The following LARGE1 variants were observed in gnomAD, a reference collection of about 807,000 sequenced individuals.
LARGE1 encodes LARGE xylosyl- and glucuronyltransferase 1, also known as xylosyl- and glucuronyltransferase LARGE1.
Under a neutral mutation model 87.6 loss-of-function variants are expected in LARGE1, and 43 were observed. That is an observed-to-expected ratio of 0.49 (90% CI 0.38 to 0.63). The LOEUF (loss-of-function observed/expected upper bound fraction) is 0.63, where lower values mean the gene tolerates loss of function less well. Ranked by LOEUF, LARGE1 falls within the 30% of genes least tolerant of loss-of-function variation. The pLI is 0.00. For missense variants in LARGE1, 802 were observed against 1,000.2 expected (o/e 0.80, Z 2.67); for synonymous variants, 434 against 394.6 (o/e 1.10, Z -1.18).
At chr22:33,402,064 G>A (rs150715441) in intron 7 of LARGE1, among the ~76,000 whole-genome samples, 165 of 152,332 alleles carry the variant, frequency 1.1e-3, no homozygotes, top group African/African-American at 3.9e-3. Context: ...TTATTTCAGT[G>A]AGTCCTTGTA....
chr22:33,181,358 A>G (rs1178913148), intron 11 of LARGE1, among the ~76,000 whole-genome samples: 1 of 152,088 alleles, frequency 6.6e-6, no homozygotes, highest in Non-Finnish European at 1.5e-5. Context: ...TTTTTATACC[A>G]TATCTCAGAT....
intron 9 of LARGE1, among the ~76,000 whole-genome samples, chr22:33,360,252 G>T (rs1157579710): frequency 6.7e-6 from 1 of 149,426 alleles, no homozygotes; most frequent in Non-Finnish European, 1.5e-5. Context: ...GGTGGAGGTT[G>T]CAGTGAGCCA....
rs542595352 is a variant in LARGE1, at chr22:33,558,240, T to C, written c.787+6608A>G. On this transcript the variant is annotated intron_variant, in intron 6 of 14. Coordinates refer to ENST00000397394, the MANE Select transcript of LARGE1 (RefSeq NM_133642.5). ...GGAAAATCTGACTGGCATAAGGTCA[T>C]GGGATTGTCTTGAAAGGTCTTCTTT... Among the ~76,000 whole-genome samples, 227 of 152,224 alleles carry C rather than the reference T, an allele frequency of 1.5e-3. 2 individuals carry two copies. The highest frequency in any genetic ancestry group is 3.4e-3 in the Middle Eastern group (1 of 294).
chr22:33,083,840 G>A, the LARGE1 span, among the ~76,000 whole-genome samples: 2 of 152,142 alleles, frequency 1.3e-5, no homozygotes, highest in Admixed American at 1.3e-4. Context: ...AACAGATTGG[G>A]AAAGGAAAAC....
At chr22:33,703,521 G>A (rs1393527523) in intron 2 of LARGE1, among the ~76,000 whole-genome samples, 1 of 152,200 alleles carries the variant, frequency 6.6e-6, no homozygotes, top group African/African-American at 2.4e-5. Context: ...AGAGGTGGAA[G>A]ATGATCCCAG....
At chr22:33,365,342 T>A (rs1375721698) in intron 9 of LARGE1, among the ~76,000 whole-genome samples, 1 of 152,180 alleles carries the variant, frequency 6.6e-6, no homozygotes. Context: ...CTCCTATGGG[T>A]GACATAACAG....
At chr22:33,493,960 G>A (rs1246132488) in intron 6 of LARGE1, among the ~76,000 whole-genome samples, 3 of 152,226 alleles carry the variant, frequency 2.0e-5, no homozygotes, top group Non-Finnish European at 2.9e-5. Context: ...TGCAAAGTAC[G>A]CAGCAGTTGC....
intron 2 of LARGE1, among the ~76,000 whole-genome samples, chr22:33,655,167 G>GT (rs969746073): frequency 3.1e-4 from 47 of 151,418 alleles, no homozygotes; most frequent in Non-Finnish European, 4.7e-4. Flanking sequence ...CATTTTGGGT[G>GT]TTTTTTTTTA....
chr22:33,891,439 T>TAA (rs34298566), intron 1 of LARGE1, among the ~76,000 whole-genome samples: 59,027 of 147,736 alleles, frequency 0.4, 13,030 homozygotes, highest in East Asian at 0.79. Context: ...GTGCTAGCCA[T>TAA]AAAAAAAAAA....
At chr22:33,090,007 A>G in the LARGE1 span, among the ~76,000 whole-genome samples, 7 of 152,064 alleles carry the variant, frequency 4.6e-5, no homozygotes, top group African/African-American at 1.7e-4. Context: ...GTTCAAGACC[A>G]GCCTGGCCAA....
chr22:33,752,959 C>G (rs1319883117), intron 2 of LARGE1, among the ~76,000 whole-genome samples: 1 of 152,206 alleles, frequency 6.6e-6, no homozygotes, highest in Non-Finnish European at 1.5e-5. Context: ...GGGCAGCTCA[C>G]GCCTGTAATC....
At chr22:33,184,802 T>C (rs923370933) in intron 11 of LARGE1, among the ~76,000 whole-genome samples, 1 of 152,158 alleles carries the variant, frequency 6.6e-6, no homozygotes, top group African/African-American at 2.4e-5. Context: ...AATTAGCATG[T>C]TTAAAAATGC....
intron 2 of LARGE1, among the ~76,000 whole-genome samples, chr22:33,751,532 T>C (rs959041480): frequency 1.3e-5 from 2 of 151,892 alleles, no homozygotes; most frequent in South Asian, 4.1e-4. Context: ...AATTAAATTA[T>C]TAGCAGCATC....
chr22:33,741,551 G>C (rs866665609), intron 2 of LARGE1, among the ~76,000 whole-genome samples: 1 of 152,234 alleles, frequency 6.6e-6, no homozygotes, highest in Non-Finnish European at 1.5e-5. Context: ...GCAGCCAAGT[G>C]CAGAAATGCG....
At chr22:33,752,376 G>C (rs188907824) in intron 2 of LARGE1, among the ~76,000 whole-genome samples, 1 of 152,022 alleles carries the variant, frequency 6.6e-6, no homozygotes, top group East Asian at 1.9e-4. Context: ...CCCTCCTTTT[G>C]TTAAATTGGT....
intron 12 of LARGE1, among the ~76,000 whole-genome samples, chr22:33,289,446 A>C (rs946555580): frequency 3.5e-4 from 53 of 152,146 alleles, no homozygotes; most frequent in African/African-American, 1.3e-3. Context: ...AAATGGAGAT[A>C]ATAAAGGCTT....
chr22:33,622,069 C>A (rs960832740), intron 4 of LARGE1, among the ~76,000 whole-genome samples: 2 of 152,150 alleles, frequency 1.3e-5, no homozygotes, highest in Admixed American at 1.3e-4. Context: ...TGCTACTTGG[C>A]AACCTCCTGG....
chr22:33,560,312 G>A (rs796507547), intron 6 of LARGE1, among the ~76,000 whole-genome samples: 17 of 152,308 alleles, frequency 1.1e-4, no homozygotes, highest in African/African-American at 4.1e-4. Context: ...GAACAACACA[G>A]AGTCTATTAG....
the LARGE1 span, among the ~76,000 whole-genome samples, chr22:33,091,387 C>A: frequency 6.6e-6 from 1 of 151,988 alleles, no homozygotes; most frequent in Non-Finnish European, 1.5e-5. Context: ...ATGGTGAAAC[C>A]TTGTCTTTAC....
Sources: allele counts gnomAD v4.1 joint callset (sites outside exome capture counted in the v4.1 genomes callset), GRCh38; gene constraint gnomAD v4.1.1; transcripts MANE v1.5; gene names NCBI Gene and HGNC (gene_info 2026-07-23, HGNC 2026-07-21).